ATP11B: variants seen among roughly 807,000 people sequenced by gnomAD.
ATP11B encodes the protein phospholipid-transporting ATPase IF.
ATP11B carries 81 observed loss-of-function variants against 157.8 expected under a neutral mutation model. The observed-to-expected ratio is 0.51, with a 90% CI of 0.43 to 0.62. The LOEUF is 0.62. Among genes scored for constraint, ATP11B ranks in the 20% least tolerant of loss-of-function variants. ATP11B has a pLI of 0.00. For missense variants in ATP11B, 1,165 were observed against 1,402.2 expected (o/e 0.83, Z 2.70); for synonymous variants, 451 against 469.4 (o/e 0.96, Z 0.51).
At chr3:182,815,756 T>C (rs956417892) in intron 1 of ATP11B, among the ~76,000 whole-genome samples, 6 of 152,206 alleles carry the variant, frequency 3.9e-5, no homozygotes, top group African/African-American at 1.2e-4. Context: ...TTCTTAGTTA[T>C]ATTAAAGAAG....
chr3:182,794,022 G>C (rs1250345089), intron 1 of ATP11B, among the ~76,000 whole-genome samples: 3 of 152,072 alleles, frequency 2.0e-5, no homozygotes, highest in South Asian at 2.1e-4. Flanking sequence ...GGAGGCGGCC[G>C]CTTCTAGCCG....
chr3:182,814,166 T>C (rs1022525513), intron 1 of ATP11B, among the ~76,000 whole-genome samples: 3 of 152,148 alleles, frequency 2.0e-5, no homozygotes, highest in African/African-American at 7.2e-5. Context: ...CAGGTTTAAG[T>C]GATTCTCCTG....
intron 4 of ATP11B, among the ~76,000 whole-genome samples, chr3:182,832,394 C>T (rs1718219666): frequency 6.6e-6 from 1 of 152,174 alleles, no homozygotes; most frequent in Non-Finnish European, 1.5e-5. Flanking sequence ...AATTTTGACA[C>T]TCAGAGTTTT....
chr3:182,806,929 A>C (rs1371261354), intron 1 of ATP11B, among the ~76,000 whole-genome samples: 1 of 152,068 alleles, frequency 6.6e-6, no homozygotes, highest in Non-Finnish European at 1.5e-5. Context: ...GGCTATTCTT[A>C]TCCTATAGGA....
chr3:182,912,279 G>T (rs751222796), intron 28 of ATP11B, among the ~76,000 whole-genome samples: 10 of 152,144 alleles, frequency 6.6e-5, no homozygotes, highest in Admixed American at 2.0e-4. Flanking sequence ...TGGTTGGTGG[G>T]TGGGGGTGTA....
chr3:182,828,873 C>T (rs577647840), intron 3 of ATP11B, among the ~76,000 whole-genome samples: 38 of 151,950 alleles, frequency 2.5e-4, no homozygotes, highest in South Asian at 1.0e-3. Flanking sequence ...TATTCTTTTC[C>T]GATAAAACTT....
intron 17 of ATP11B, among the ~76,000 whole-genome samples, chr3:182,870,249 T>C (rs1189052203): frequency 6.6e-6 from 1 of 152,196 alleles, no homozygotes; most frequent in African/African-American, 2.4e-5. Context: ...TTTAAAAATA[T>C]AGGGGAATCT....
chr3:182,794,308 G>A (rs1289394951), intron 1 of ATP11B, among the ~76,000 whole-genome samples: 1 of 152,214 alleles, frequency 6.6e-6, no homozygotes, highest in Admixed American at 6.5e-5. Flanking sequence ...TCCCGAGGAG[G>A]AGGCTGTCGT....
intron 29 of ATP11B, chr3:182,915,415 A>T: frequency 3.0e-6 from 3 of 985,398 alleles, no homozygotes; most frequent in Non-Finnish European, 3.6e-6. Flanking sequence ...TGTATTATAA[A>T]ATGTGGCTCT....
At chr3:182,803,915 A>C (rs569745371) in intron 1 of ATP11B, among the ~76,000 whole-genome samples, 187 of 152,274 alleles carry the variant, frequency 1.2e-3, no homozygotes, top group African/African-American at 4.2e-3. Context: ...TTGGTGCACA[A>C]ATAATGCTCT....
intron 28 of ATP11B, among the ~76,000 whole-genome samples, chr3:182,911,712 C>T (rs1437659512): frequency 6.6e-6 from 1 of 152,108 alleles, no homozygotes; most frequent in Non-Finnish European, 1.5e-5. Context: ...CTTTAGCTCA[C>T]CGGATTGAGC....
rs1217592235 is a variant in ATP11B at position 182,919,118 on chromosome 3, T to A, written c.*1014T>A. The A allele has an allele frequency of 6.6e-6, 1 of 152,366 alleles. No individual in the cohort carries two copies. Among genetic ancestry groups the A allele is most frequent in the Non-Finnish European group, 1.5e-5 (1 of 67,996 alleles). The allele number at this position is 152,366 out of a possible 1,614,324, so 9.4% of individuals were successfully genotyped here. On this transcript the variant is annotated 3_prime_UTR_variant, in exon 30 of 30. Coordinates refer to ENST00000323116, the MANE Select transcript of ATP11B (RefSeq NM_014616.3). ...AGAATAGTATGGGTAATTAAATGAA[T>A]ACAAAAAGAAGAGCCTCTTTCTGCA...
In ATP11B at chr3:182,921,536, A is replaced by C. The variant is rs534627160; in HGVS notation, c.*3432A>C. 86 of 152,306 alleles carry C rather than the reference A, an allele frequency of 5.6e-4. No homozygotes were observed. Among genetic ancestry groups the C allele is most frequent in the African/African-American group, 2.0e-3 (83 of 41,558 alleles). 9.4% of individuals were successfully genotyped at this position (152,306 alleles called of 1,614,324 possible). ...ATGTAATCCTTTAAAAATTCTCTGC[A>C]TTGTCAGTAAATGTAGTATATTATT... On this transcript the variant is annotated 3_prime_UTR_variant, in exon 30 of 30. Transcript: ENST00000323116.
chr3:182,899,368 G>C (rs1723792915), intron 28 of ATP11B, among the ~76,000 whole-genome samples: 1 of 151,778 alleles, frequency 6.6e-6, no homozygotes, highest in Non-Finnish European at 1.5e-5. Context: ...GGCTAGACTG[G>C]TCTCGATCCC....
At position 182,829,672 on chromosome 3, in the gene ATP11B, C is replaced by G. The variant is rs146399753; in HGVS notation, c.235C>G (p.Leu79Val). The G allele has an allele frequency of 6.3e-7, 1 of 1,577,978 alleles. No homozygotes were observed. The highest frequency in any genetic ancestry group is 8.7e-7 in the Non-Finnish European group (1 of 1,152,802). Residue 79 changes from leucine (L) to valine (V), a missense_variant and splice_region_variant, in exon 4 of 30, where the codon CTT becomes GTT. Transcript: ENST00000323116. ...TCTGTATTCTTTTTTATAAATCTAG[C>G]TTATGATTGATACACCTACCAGTCC... ...FYFLIIFLVQLMIDTPTSPVT... is the reference protein window; with the variant it reads ...FYFLIIFLVQVMIDTPTSPVT...
chr3:182,869,642 A>C (rs1322353026), intron 17 of ATP11B, among the ~76,000 whole-genome samples: 1 of 152,230 alleles, frequency 6.6e-6, no homozygotes, highest in African/African-American at 2.4e-5. Flanking sequence ...ACCCTTATAC[A>C]CATATTGCTG....
chr3:182,824,184 A>G (rs1001466366), intron 2 of ATP11B, among the ~76,000 whole-genome samples: 3 of 152,284 alleles, frequency 2.0e-5, no homozygotes, highest in Admixed American at 1.3e-4. Flanking sequence ...TTTCTAGTGC[A>G]TAGTTTAGCT....
rs1725352575 is a variant in ATP11B at position 182,919,771 on chromosome 3, A to AG, written c.*1667_*1668insG. The AG allele has an allele frequency of 6.6e-6, 1 of 152,186 alleles. No homozygotes were observed. The highest frequency in any genetic ancestry group is 2.4e-5 in the African/African-American group (1 of 41,448). The allele number at this position is 152,186 out of a possible 1,614,324, so 9.4% of individuals were successfully genotyped here. ...AAACTATTATTTTCTTGCTAATGTA[A>AG]CATTTGTCTGTTCCAGTGATGTAAG... On this transcript the variant is annotated 3_prime_UTR_variant, in exon 30 of 30. Transcript: ENST00000323116.
At position 182,889,419 on chromosome 3, in the gene ATP11B, T is replaced by A; in HGVS notation, c.2853T>A (p.Ser951Arg). 1 of 1,566,320 alleles carries A rather than the reference T, an allele frequency of 6.4e-7. No individual in the cohort carries two copies. Among genetic ancestry groups the A allele is most frequent in the Non-Finnish European group, 8.6e-7 (1 of 1,160,458 alleles). Residue 951 changes from serine (S) to arginine (R), a missense_variant, in exon 25 of 30, where the codon AGT becomes AGA. Ser to Arg is a moderately radical substitution (Grantham distance 110, BLOSUM62 -1). Transcript: ENST00000323116. ...CTCTTCTTTTTAACAGAGACATTAG[T>A]AAAAACCGCCTCTTAAGTATTAAAA... ...QNKPTLYRDI[S>R]KNRLLSIKTF...
Sources: gnomAD v4.1 joint callset for allele counts (sites outside exome capture counted in the v4.1 genomes callset) on GRCh38, gnomAD v4.1.1 for gene constraint, MANE v1.5 for transcripts, NCBI Gene and HGNC (gene_info 2026-07-23, HGNC 2026-07-21) for gene names.